The following PPP1R12A variants were observed in gnomAD, a reference collection of about 807,000 sequenced individuals.
The protein encoded by PPP1R12A is myosin binding subunit.
In PPP1R12A, 19 loss-of-function variants were observed where a neutral mutation model predicts 139.6. That is an observed-to-expected ratio of 0.14 (90% CI 0.09 to 0.20). The LOEUF is 0.20. Among genes scored for constraint, PPP1R12A ranks in the 10% least tolerant of loss-of-function variants. PPP1R12A has a pLI of 1.00. For synonymous variants in PPP1R12A, 427 were observed against 420.6 expected (o/e 1.02, Z -0.19); for missense variants, 925 against 1,211.5 (o/e 0.76, Z 3.51).
chr12:79,913,807 G>A (rs1303202078), intron 1 of PPP1R12A: 1 of 152,102 alleles, frequency 6.6e-6, no homozygotes, highest in East Asian at 1.9e-4. Context: ...AGTCTTTCAA[G>A]CCATGAACAT....
At chr12:79,780,997 T>C (rs185384347) in intron 23 of PPP1R12A, among the ~76,000 whole-genome samples, 4 of 152,286 alleles carry the variant, frequency 2.6e-5, no homozygotes, top group East Asian at 1.9e-4. Flanking sequence ...TTTATATCAA[T>C]AGCTCCTAAG....
chr12:79,922,334 G>A lies in PPP1R12A; in HGVS notation c.237+12361C>T, dbSNP rs1234230125. ...GTGACATATAGGGGATAACATTATC[G>A]CATCAATTTAACAGATGTGTCAACA... On this transcript the variant is annotated intron_variant, in intron 1 of 24. Coordinates refer to ENST00000450142, the MANE Select transcript of PPP1R12A (RefSeq NM_002480.3). 5.3e-5 allele frequency among the ~76,000 whole-genome samples: 8 copies of A among 152,086 alleles called. No homozygotes were observed. In the South Asian group the frequency reaches 8.3e-4, roughly 16 times the overall value.
At chr12:79,935,103 G>T, upstream of PPP1R12A, 3 of 1,365,664 alleles carry the variant, frequency 2.2e-6, no homozygotes, top group African/African-American at 1.5e-5. Context: ...GCACTGGGGC[G>T]GCGCACCCGG....
chr12:79,917,276 C>G (rs535384405), intron 1 of PPP1R12A, among the ~76,000 whole-genome samples: 2 of 151,684 alleles, frequency 1.3e-5, no homozygotes, highest in African/African-American at 2.4e-5. Context: ...CACGAGGTCA[C>G]GAGATCGAGA....
At chr12:79,835,419 G>A (rs537997842) in intron 3 of PPP1R12A, among the ~76,000 whole-genome samples, 9 of 152,112 alleles carry the variant, frequency 5.9e-5, no homozygotes, top group East Asian at 3.9e-4. Context: ...ATCCCCTTCC[G>A]TATATCCTAC....
intron 2 of PPP1R12A, among the ~76,000 whole-genome samples, chr12:79,854,774 C>T (rs1302441086): frequency 2.6e-5 from 4 of 152,046 alleles, no homozygotes; most frequent in Admixed American, 6.5e-5. Context: ...TGGGCTCAAA[C>T]GATCCTCCCA....
At chr12:79,928,965 C>T (rs1266002744) in intron 1 of PPP1R12A, among the ~76,000 whole-genome samples, 1 of 152,212 alleles carries the variant, frequency 6.6e-6, no homozygotes, top group Non-Finnish European at 1.5e-5. Context: ...ATTCTAATAG[C>T]ATAGAACATG....
At chr12:79,805,519 C>T (rs1334271281) in intron 14 of PPP1R12A, 73 bp downstream of exon 14, 6 of 1,426,132 alleles carry the variant, frequency 4.2e-6, no homozygotes, top group Non-Finnish European at 5.7e-6. Context: ...CTCACAAGAT[C>T]TTTTTTAAAA....
At chr12:79,893,839 T>C (rs924037744) in intron 1 of PPP1R12A, among the ~76,000 whole-genome samples, 1 of 152,160 alleles carries the variant, frequency 6.6e-6, no homozygotes, top group Admixed American at 6.6e-5. Flanking sequence ...AGAAAAATCA[T>C]ATCCTTCAAG....
chr12:79,896,447 C>T (rs1885139426), intron 1 of PPP1R12A, among the ~76,000 whole-genome samples: 1 of 152,026 alleles, frequency 6.6e-6, no homozygotes, highest in Non-Finnish European at 1.5e-5. Flanking sequence ...GATTCTTCCA[C>T]CTCAGCCTCC....
intron 20 of PPP1R12A, among the ~76,000 whole-genome samples, chr12:79,789,846 T>G (rs1355395652): frequency 6.6e-6 from 1 of 151,184 alleles, no homozygotes; most frequent in Non-Finnish European, 1.5e-5. Flanking sequence ...GGCACAACCA[T>G]AGCTCACTAT....
At chr12:79,861,197 G>C (rs1014531013) in intron 2 of PPP1R12A, among the ~76,000 whole-genome samples, 3 of 152,146 alleles carry the variant, frequency 2.0e-5, no homozygotes, top group African/African-American at 7.2e-5. Context: ...AACTTTTAAA[G>C]ACTACTTTAT....
chr12:79,929,608 A>C (rs1209999887), intron 1 of PPP1R12A, among the ~76,000 whole-genome samples: 2 of 152,028 alleles, frequency 1.3e-5, no homozygotes, highest in Non-Finnish European at 2.9e-5. Context: ...TCTACCAAAA[A>C]TACAAAAAAA....
At position 79,805,729 on chromosome 12, in the gene PPP1R12A, T is replaced by C. The variant is rs759384276; in HGVS notation, c.1863A>G (p.Lys621=). 3 of 1,613,394 alleles carry C rather than the reference T, an allele frequency of 1.9e-6. No individual in the cohort carries two copies. The highest frequency in any genetic ancestry group is 3.3e-5 in the Admixed American group (2 of 59,922). The change falls in exon 14 of 25, where the codon AAA becomes AAG. Residue 621 remains lysine (K), a synonymous_variant. Coordinates refer to ENST00000450142, the MANE Select transcript of PPP1R12A (RefSeq NM_002480.3). The part of the protein sequence containing the change: ...NRLWAEDSTE[K]EKDSVPTAVT... ...CTGCCGTAGGAACACTGTCCTTTTC[T>C]TTCTCAGTACTATCCTCAGCCCACA...
At chr12:79,778,405 GAAGA>G (rs1326987495) in intron 24 of PPP1R12A, 141 bp downstream of exon 24, 3 of 488,366 alleles carry the variant, frequency 6.1e-6, no homozygotes, top group Non-Finnish European at 9.7e-6. Context: ...CTGGATTCAG[GAAGA>G]AAGAGAAGCA....
At chr12:79,915,336 T>C (rs1441584068) in intron 1 of PPP1R12A, among the ~76,000 whole-genome samples, 3 of 152,152 alleles carry the variant, frequency 2.0e-5, no homozygotes, top group Non-Finnish European at 4.4e-5. Context: ...AGAACTAACT[T>C]TGTTATATGA....
chr12:79,886,149 G>A (rs1884083101), intron 1 of PPP1R12A, among the ~76,000 whole-genome samples: 1 of 152,120 alleles, frequency 6.6e-6, no homozygotes, highest in South Asian at 2.1e-4. Context: ...TACTGTCCAA[G>A]CAATGTTTTT....
At chr12:79,837,208 T>C (rs1254749251) in intron 3 of PPP1R12A, among the ~76,000 whole-genome samples, 2 of 152,118 alleles carry the variant, frequency 1.3e-5, no homozygotes, top group African/African-American at 4.8e-5. Flanking sequence ...CTAAATTGGG[T>C]ATAACAAAGT....
At chr12:79,907,137 G>A (rs1886196148) in intron 1 of PPP1R12A, among the ~76,000 whole-genome samples, 1 of 152,116 alleles carries the variant, frequency 6.6e-6, no homozygotes, top group African/African-American at 2.4e-5. Context: ...AGGTGGGAAA[G>A]GTACAGCTGT....
Sources: gnomAD v4.1 joint callset for allele counts (sites outside exome capture counted in the v4.1 genomes callset) on GRCh38, gnomAD v4.1.1 for gene constraint, MANE v1.5 for transcripts, NCBI Gene and HGNC (gene_info 2026-07-23, HGNC 2026-07-21) for gene names.